The following BMP7 variants were observed in gnomAD, a reference collection of about 807,000 sequenced individuals.
BMP7 encodes bone morphogenetic protein 7.
BMP7 carries 12 observed loss-of-function variants against 41.2 expected under a neutral mutation model. The observed-to-expected ratio is 0.29, with a 90% CI of 0.19 to 0.47. The LOEUF (loss-of-function observed/expected upper bound fraction) is 0.47, where lower values mean the gene tolerates loss of function less well. Among genes scored for constraint, BMP7 ranks in the 20% least tolerant of loss-of-function variants. The pLI is 0.99. For missense variants in BMP7, 467 were observed against 606.0 expected, an observed-to-expected ratio of 0.77 and a Z score of 2.41; for synonymous variants, 248 against 250.0, an observed-to-expected ratio of 0.99 and a Z score of 0.07.
At chr20:57,188,965 C>T (rs1984286738) in intron 3 of BMP7, among the ~76,000 whole-genome samples, 1 of 152,232 alleles carries the variant, frequency 6.6e-6, no homozygotes. Flanking sequence ...TCTCGTGCTG[C>T]AAACACACCC....
At chr20:57,178,766 A>G (rs1983997742) in intron 4 of BMP7, among the ~76,000 whole-genome samples, 2 of 152,188 alleles carry the variant, frequency 1.3e-5, no homozygotes, top group Admixed American at 6.5e-5. Flanking sequence ...TGTCAGGTGA[A>G]GCTGCTAGCT....
intron 2 of BMP7, among the ~76,000 whole-genome samples, chr20:57,226,824 CTTT>C (rs36113686): frequency 7.3e-5 from 9 of 123,170 alleles, no homozygotes; most frequent in Non-Finnish European, 1.2e-4. Flanking sequence ...TACTCAAAAA[CTTT>C]TTTTTTTTTT....
chr20:57,185,246 T>G (rs1485821375), intron 3 of BMP7, among the ~76,000 whole-genome samples: 1 of 152,212 alleles, frequency 6.6e-6, no homozygotes, highest in Non-Finnish European at 1.5e-5. Context: ...GGTTTTAACT[T>G]TTTGTTGTGA....
At chr20:57,182,397 G>A (rs565925217) in intron 4 of BMP7, among the ~76,000 whole-genome samples, 131 of 152,226 alleles carry the variant, frequency 8.6e-4, no homozygotes, top group Non-Finnish European at 1.6e-3. Context: ...ATCAGCCTAT[G>A]GGGAAAGGGA....
intron 2 of BMP7, among the ~76,000 whole-genome samples, chr20:57,218,834 G>T (rs547573382): frequency 4.0e-4 from 61 of 151,332 alleles, no homozygotes; most frequent in Admixed American, 3.8e-3. Flanking sequence ...GTGTGTGTTC[G>T]GTGGTAGCTG....
intron 1 of BMP7, among the ~76,000 whole-genome samples, chr20:57,258,169 C>T (rs1308025153): frequency 1.3e-5 from 2 of 152,176 alleles, no homozygotes; most frequent in Non-Finnish European, 2.9e-5. Context: ...GCAGGGAAAC[C>T]TAATACTTGG....
At chr20:57,252,948 C>G (rs2066119876) in intron 1 of BMP7, among the ~76,000 whole-genome samples, 1 of 152,110 alleles carries the variant, frequency 6.6e-6, no homozygotes, top group Non-Finnish European at 1.5e-5. Context: ...GCCAAACATC[C>G]TATAATACAC....
chr20:57,206,220 A>G (rs1984727268), intron 2 of BMP7, among the ~76,000 whole-genome samples: 1 of 152,128 alleles, frequency 6.6e-6, no homozygotes, highest in African/African-American at 2.4e-5. Context: ...GAGAAGAGGT[A>G]AGGAAGGCTC....
rs71329731 is a variant in BMP7 at position 57,183,060 on chromosome 20, C to T, written c.958+662G>A. The stretch of plus-strand genomic sequence containing the variant: ...GACCGGCCTGACCGACATGGTGAAA[C>T]CCCGTCTCTACTAAAAATACAAAAA... On this transcript the variant is annotated intron_variant, in intron 4 of 6. Coordinates refer to ENST00000395863, the MANE Select transcript of BMP7 (RefSeq NM_001719.3). 5.0e-3 allele frequency among the ~76,000 whole-genome samples: 766 copies of T among 152,210 alleles called. 6 individuals are homozygous for T. The highest frequency in any genetic ancestry group is 7.6e-3 in the Non-Finnish European group (517 of 68,026).
chr20:57,230,524 G>A (rs2123119438), intron 1 of BMP7, among the ~76,000 whole-genome samples: 1 of 151,720 alleles, frequency 6.6e-6, no homozygotes, highest in South Asian at 2.1e-4. Context: ...ATGCACCTGA[G>A]ACCCAGGAGG....
intron 1 of BMP7, among the ~76,000 whole-genome samples, chr20:57,260,284 A>G (rs189677905): frequency 2.0e-5 from 3 of 152,322 alleles, no homozygotes; most frequent in Admixed American, 2.0e-4. Context: ...TGCAATAGAA[A>G]GAACCAGCTC....
At chr20:57,253,838 G>A (rs2066123378) in intron 1 of BMP7, among the ~76,000 whole-genome samples, 1 of 152,040 alleles carries the variant, frequency 6.6e-6, no homozygotes, top group Non-Finnish European at 1.5e-5. Context: ...AGTCCTCCCA[G>A]GGTGAACATC....
At chr20:57,192,949 T>C (rs1359752273) in intron 3 of BMP7, among the ~76,000 whole-genome samples, 1 of 152,158 alleles carries the variant, frequency 6.6e-6, no homozygotes, top group Non-Finnish European at 1.5e-5. Flanking sequence ...TCCTGCGGTA[T>C]AATAACTGAG....
At chr20:57,202,701 G>T in intron 2 of BMP7, 78 bp from the exon 3 acceptor site, 13 of 703,896 alleles carry the variant, frequency 1.8e-5, no homozygotes, top group Non-Finnish European at 2.8e-5. Flanking sequence ...GGGAAGCAGA[G>T]CCTCATGGGG....
rs182102858 is a variant in BMP7, at chr20:57,231,992, C to G, written c.419-3571G>C. On this transcript the variant is annotated intron_variant, in intron 1 of 6. Coordinates refer to ENST00000395863, the MANE Select transcript of BMP7 (RefSeq NM_001719.3). ...CATCATCTGATGGAACCCCATGAGA[C>G]AGGACTGATCCCCATTTTACAGATG... 4.6e-5 allele frequency among the ~76,000 whole-genome samples: 7 copies of G among 152,340 alleles called. No individual in the cohort carries two copies. In the East Asian group the frequency reaches 1.3e-3, roughly 29 times the overall value.
At position 57,228,466 on chromosome 20, in the gene BMP7, T is replaced by C; in HGVS notation, c.419-45A>G. ...CACACCAACACCGACAGCTCATTAGTGTCTGGGTTTCACTCTCTGGCTCTG... is the reference window on the plus strand; with the variant it reads ...CACACCAACACCGACAGCTCATTAGCGTCTGGGTTTCACTCTCTGGCTCTG... On this transcript the variant is annotated intron_variant, in intron 1 of 6. Transcript: ENST00000395863. The surrounding 1 kb of genome is among the most constrained non-coding windows in gnomAD (Gnocchi z 4.5). 1 of 1,601,890 alleles carries C rather than the reference T, an allele frequency of 6.2e-7. No individual in the cohort carries two copies. The highest frequency in any genetic ancestry group is 8.6e-7 in the Non-Finnish European group (1 of 1,168,960).
intron 1 of BMP7, among the ~76,000 whole-genome samples, chr20:57,239,139 T>A (rs1600639108): frequency 6.6e-6 from 1 of 152,256 alleles, no homozygotes; most frequent in Admixed American, 6.5e-5. Context: ...ACAAAGCAAG[T>A]CCCTTCTGCC....
intron 3 of BMP7, among the ~76,000 whole-genome samples, chr20:57,194,021 C>T (rs148074601): frequency 9.8e-5 from 15 of 152,314 alleles, no homozygotes; most frequent in African/African-American, 2.6e-4. Flanking sequence ...CGTCCATGAA[C>T]GCTGCACATT....
intron 1 of BMP7, among the ~76,000 whole-genome samples, chr20:57,235,456 G>C (rs1028258801): frequency 1.3e-5 from 2 of 152,154 alleles, no homozygotes; most frequent in African/African-American, 4.8e-5. Flanking sequence ...AACAATTTTG[G>C]GGAAACAGGG....
Sources: gnomAD v4.1 joint callset for allele counts (sites outside exome capture counted in the v4.1 genomes callset) on GRCh38, gnomAD v4.1.1 for gene constraint, Gnocchi (gnomAD v3.1) non-coding constraint, MANE v1.5 for transcripts, NCBI Gene and HGNC (gene_info 2026-07-23, HGNC 2026-07-21) for gene names.